The following HIBADH variants were observed in gnomAD, a reference collection of about 807,000 sequenced individuals.
HIBADH encodes the protein 3-hydroxyisobutyrate dehydrogenase, mitochondrial.
Under a neutral mutation model 36.1 loss-of-function variants are expected in HIBADH, and 25 were observed. The observed-to-expected ratio is 0.69, with a 90% CI of 0.50 to 0.97. HIBADH has a LOEUF of 0.97. HIBADH is among the 50% of genes least tolerant of loss of function. The pLI is 0.00. For missense variants in HIBADH, 421 were observed against 418.0 expected (o/e 1.01, Z -0.06); for synonymous variants, 160 against 149.5 (o/e 1.07, Z -0.51).
At chr7:27,564,452 T>C (rs1784511835) in intron 4 of HIBADH, among the ~76,000 whole-genome samples, 1 of 152,206 alleles carries the variant, frequency 6.6e-6, no homozygotes, top group African/African-American at 2.4e-5. Flanking sequence ...CTGAATTGCC[T>C]TTGCACATTT....
intron 7 of HIBADH, 93 bp downstream of exon 7, chr7:27,531,099 G>A: frequency 2.3e-6 from 3 of 1,298,118 alleles, no homozygotes; most frequent in Non-Finnish European, 2.1e-6. Flanking sequence ...CCTCTTACCT[G>A]AGACATATGC....
chr7:27,526,987 C>G (rs1783911679), intron 7 of HIBADH, among the ~76,000 whole-genome samples: 1 of 152,066 alleles, frequency 6.6e-6, no homozygotes, highest in Admixed American at 6.6e-5. Context: ...GAAGCACAGA[C>G]CTGGAGCCAG....
At chr7:27,588,713 T>C (rs1266014914) in intron 4 of HIBADH, among the ~76,000 whole-genome samples, 3 of 152,234 alleles carry the variant, frequency 2.0e-5, no homozygotes, top group African/African-American at 4.8e-5. Flanking sequence ...ATTTTGCTTC[T>C]AGAAATTACT....
At chr7:27,570,376 T>C (rs996417780) in intron 4 of HIBADH, among the ~76,000 whole-genome samples, 7 of 152,210 alleles carry the variant, frequency 4.6e-5, no homozygotes, top group Non-Finnish European at 8.8e-5. Flanking sequence ...CTGGCTTCAG[T>C]TGTTCTTAGG....
chr7:27,588,899 C>T (rs1784901909), intron 4 of HIBADH, among the ~76,000 whole-genome samples: 2 of 152,136 alleles, frequency 1.3e-5, no homozygotes, highest in Admixed American at 6.5e-5. Context: ...TTTCAAATGC[C>T]TCATTTGTAA....
At chr7:27,650,378 C>T (rs984525408) in intron 1 of HIBADH, among the ~76,000 whole-genome samples, 2 of 151,706 alleles carry the variant, frequency 1.3e-5, no homozygotes, top group Admixed American at 1.3e-4. Flanking sequence ...CCTCCATAGG[C>T]TTTAAATGGC....
chr7:27,624,055 C>T (rs1297714478), intron 4 of HIBADH, among the ~76,000 whole-genome samples: 1 of 152,164 alleles, frequency 6.6e-6, no homozygotes, highest in African/African-American at 2.4e-5. Context: ...GCCTTGGCTT[C>T]CCAAAGTGCT....
In HIBADH at chr7:27,631,201, G is replaced by C. The variant is rs148117778; in HGVS notation, c.362+1135C>G. Among the ~76,000 whole-genome samples, 1,027 of 152,252 alleles carry C rather than the reference G, an allele frequency of 6.7e-3. 10 individuals carry two copies. Among genetic ancestry groups the C allele is most frequent in the African/African-American group, 0.024 (979 of 41,544 alleles). On this transcript the variant is annotated intron_variant, in intron 3 of 7. Coordinates refer to ENST00000265395, the MANE Select transcript of HIBADH (RefSeq NM_152740.4). ...AACTTTTCTTTCAGAGGTAAAGCAGGACCATAACTGTAACAGGCTAGGTAA... is the reference window on the plus strand; with the variant it reads ...AACTTTTCTTTCAGAGGTAAAGCAGCACCATAACTGTAACAGGCTAGGTAA...
rs933615681 is a variant in HIBADH, at chr7:27,594,251, C to G, written c.484+35120G>C. ...CTCCTCCTCCTGGGTTCAACTGATT[C>G]TCCTGCCTCAGCCTCCCGAATAGCT... On this transcript the variant is annotated intron_variant, in intron 4 of 7. Coordinates refer to ENST00000265395, the MANE Select transcript of HIBADH (RefSeq NM_152740.4). Among the ~76,000 whole-genome samples the G allele has an allele frequency of 4.7e-5, 7 of 150,216 alleles. No homozygotes were observed. The East Asian group carries it at 1.2e-3, about 26-fold the overall frequency.
chr7:27,593,319 A>G (rs1784975168), intron 4 of HIBADH, among the ~76,000 whole-genome samples: 2 of 152,202 alleles, frequency 1.3e-5, no homozygotes, highest in South Asian at 4.1e-4. Flanking sequence ...AAAACGCTTC[A>G]GGTCCCAAGC....
intron 4 of HIBADH, among the ~76,000 whole-genome samples, chr7:27,623,442 C>T (rs186570608): frequency 2.0e-5 from 3 of 152,052 alleles, no homozygotes; most frequent in Non-Finnish European, 4.4e-5. Context: ...TCATCAAAAT[C>T]GGAATAAAGG....
At chr7:27,528,080 G>A (rs1375608417) in intron 7 of HIBADH, among the ~76,000 whole-genome samples, 2 of 151,800 alleles carry the variant, frequency 1.3e-5, no homozygotes, top group Non-Finnish European at 2.9e-5. Flanking sequence ...GATCTTTGAT[G>A]TTACTATTGA....
At chr7:27,565,444 A>G (rs1330241912) in intron 4 of HIBADH, among the ~76,000 whole-genome samples, 1 of 152,166 alleles carries the variant, frequency 6.6e-6, no homozygotes, top group Non-Finnish European at 1.5e-5. Flanking sequence ...CCTGCTTAAT[A>G]ATAAACTCTA....
At chr7:27,602,496 C>A (rs1785148076) in intron 4 of HIBADH, among the ~76,000 whole-genome samples, 1 of 152,146 alleles carries the variant, frequency 6.6e-6, no homozygotes, top group Non-Finnish European at 1.5e-5. Flanking sequence ...CTCTTACTTT[C>A]ATTCTCTTAT....
rs74693946 is a variant in HIBADH at position 27,598,934 on chromosome 7, C to T, written c.484+30437G>A. ...AACAAGGACTTCTTTCCCATACAAGCTTTATGTACTGAGTGAGCACTGAAA... is the reference window on the plus strand; with the variant it reads ...AACAAGGACTTCTTTCCCATACAAGTTTTATGTACTGAGTGAGCACTGAAA... On this transcript the variant is annotated intron_variant, in intron 4 of 7. Transcript: ENST00000265395. 8.9e-3 allele frequency among the ~76,000 whole-genome samples: 1,349 copies of T among 151,492 alleles called. 20 individuals carry two copies. The highest frequency in any genetic ancestry group is 0.031 in the African/African-American group (1,281 of 41,278).
chr7:27,574,071 G>C (rs11762056), intron 4 of HIBADH, among the ~76,000 whole-genome samples: 2 of 152,220 alleles, frequency 1.3e-5, no homozygotes, highest in South Asian at 4.1e-4. Flanking sequence ...CCAAGAGCTA[G>C]AGCTGGTTTT....
chr7:27,542,786 G>C (rs1784174762), intron 5 of HIBADH, among the ~76,000 whole-genome samples, 181 bp downstream of exon 5: 1 of 152,024 alleles, frequency 6.6e-6, no homozygotes. Flanking sequence ...TAAATTGGCT[G>C]ATGTCTGCTT....
At chr7:27,660,374 C>CA (rs1288869565) in intron 1 of HIBADH, among the ~76,000 whole-genome samples, 2 of 152,006 alleles carry the variant, frequency 1.3e-5, no homozygotes, top group Non-Finnish European at 2.9e-5. Context: ...AAAACAATTC[C>CA]AAAGAAAGGC....
chr7:27,561,023 T>C (rs1328659867), intron 4 of HIBADH, among the ~76,000 whole-genome samples: 1 of 152,184 alleles, frequency 6.6e-6, no homozygotes, highest in Non-Finnish European at 1.5e-5. Flanking sequence ...GTGTAATCTC[T>C]TTGTGGTTTT....
Sources: gnomAD v4.1 joint callset for allele counts (sites outside exome capture counted in the v4.1 genomes callset) on GRCh38, gnomAD v4.1.1 for gene constraint, MANE v1.5 for transcripts, NCBI Gene and HGNC (gene_info 2026-07-23, HGNC 2026-07-21) for gene names.